Variants in XRN1 observed in about 807,000 individuals in gnomAD.
The protein encoded by XRN1 is 5'-3' exoribonuclease 1.
Under a neutral mutation model 222.3 loss-of-function variants are expected in XRN1, and 67 were observed. The observed-to-expected ratio is 0.30, with a 90% CI of 0.25 to 0.37. XRN1 has a LOEUF of 0.37. Ranked by LOEUF, XRN1 falls within the 10% of genes least tolerant of loss-of-function variation. The pLI is 1.00. For synonymous variants in XRN1, 643 were observed against 652.4 expected, an observed-to-expected ratio of 0.99 and a Z score of 0.22; for missense variants, 1,707 against 2,000.2, an observed-to-expected ratio of 0.85 and a Z score of 2.80.
intron 2 of XRN1, among the ~76,000 whole-genome samples, chr3:142,430,555 T>G (rs1278067091): frequency 6.6e-6 from 1 of 152,188 alleles, no homozygotes; most frequent in Non-Finnish European, 1.5e-5. Context: ...TTTCTAAAAA[T>G]TTCAGTATCT....
At chr3:142,396,696 G>C (rs1160268609) in intron 20 of XRN1, among the ~76,000 whole-genome samples, 1 of 152,180 alleles carries the variant, frequency 6.6e-6, no homozygotes, top group Non-Finnish European at 1.5e-5. Flanking sequence ...CTTATCCATG[G>C]ATAGGAAGGC....
At chr3:142,313,757 G>A (rs1168833623) in intron 39 of XRN1, among the ~76,000 whole-genome samples, 1 of 152,190 alleles carries the variant, frequency 6.6e-6, no homozygotes, top group African/African-American at 2.4e-5. Flanking sequence ...AATTAGGCGA[G>A]GCGCAGTGGC....
chr3:142,358,856 A>C (rs935009791), intron 30 of XRN1, among the ~76,000 whole-genome samples: 10 of 152,204 alleles, frequency 6.6e-5, no homozygotes, highest in Non-Finnish European at 1.5e-4. Flanking sequence ...GAGGTTAAAA[A>C]AGGGTAATTA....
At chr3:142,364,036 G>A (rs1231410064) in intron 29 of XRN1, among the ~76,000 whole-genome samples, 1 of 152,222 alleles carries the variant, frequency 6.6e-6, no homozygotes, top group Non-Finnish European at 1.5e-5. Flanking sequence ...GTAGGAATCA[G>A]GGGAAGGAGT....
chr3:142,335,596 G>T, intron 33 of XRN1, 87 bp from the exon 34 acceptor site: 2 of 1,210,850 alleles, frequency 1.7e-6, no homozygotes, highest in Non-Finnish European at 2.4e-6. Context: ...GCAAGGCACT[G>T]TGTTAAAAAT....
chr3:142,338,453 C>T (rs548453846), intron 33 of XRN1, among the ~76,000 whole-genome samples: 159 of 152,208 alleles, frequency 1.0e-3, no homozygotes, highest in Middle Eastern at 6.8e-3. Flanking sequence ...CAACCAGCAG[C>T]GATACCAGGT....
intron 2 of XRN1, 30 bp from the exon 3 acceptor site, chr3:142,426,871 A>AAGGTTAAGG: frequency 6.3e-7 from 1 of 1,586,224 alleles, no homozygotes; most frequent in Admixed American, 1.7e-5. Context: ...AAGTACCTTA[A>AAGGTTAAGG]GTTTTCTGAA....
intron 20 of XRN1, among the ~76,000 whole-genome samples, chr3:142,392,488 C>T (rs1178610342): frequency 6.6e-6 from 1 of 152,180 alleles, no homozygotes; most frequent in Non-Finnish European, 1.5e-5. Context: ...CACCACCCCA[C>T]AACAGTCCCC....
At chr3:142,418,941 T>A in intron 10 of XRN1, 60 bp from the exon 11 acceptor site, 1 of 1,494,636 alleles carries the variant, frequency 6.7e-7, no homozygotes. Flanking sequence ...TGAGATGTCA[T>A]TTCTCTTCCA....
In XRN1 at chr3:142,312,671, G is replaced by A; in HGVS notation, c.4709C>T (p.Thr1570Ile). 1.2e-6 allele frequency: 2 copies of A among 1,613,944 alleles called. No individual in the cohort carries two copies. Among genetic ancestry groups the A allele is most frequent in the Non-Finnish European group, 1.7e-6 (2 of 1,179,852 alleles). Residue 1570 changes from threonine to isoleucine, a missense_variant, in exon 40 of 41, where the codon ACT becomes ATT. This residue lies in a region of XRN1 where 473 missense variants were observed against 482.0 expected (regional missense o/e 0.98). Transcript: ENST00000392981. ...VPVPGKPFHH[T>I]LYSGTMPMAG... The stretch of plus-strand genomic sequence containing the variant: ...CATGGGCATGGTCCCAGAATATAAA[G>A]TATGATGGAAGGGCTTCCCAGGAAC...
At chr3:142,434,130 C>T (rs2069756033) in intron 1 of XRN1, among the ~76,000 whole-genome samples, 1 of 151,990 alleles carries the variant, frequency 6.6e-6, no homozygotes, top group Admixed American at 6.6e-5. Context: ...GACTTTTCAA[C>T]AGGGGTATTT....
intron 10 of XRN1, among the ~76,000 whole-genome samples, chr3:142,419,290 C>T (rs1417879643): frequency 6.6e-6 from 1 of 151,816 alleles, no homozygotes; most frequent in Non-Finnish European, 1.5e-5. Flanking sequence ...GTACAGGTTC[C>T]CAAAAAGTTG....
intron 22 of XRN1, 67 bp from the exon 23 acceptor site, chr3:142,380,247 A>G (rs533119432): frequency 7.5e-7 from 1 of 1,338,662 alleles, no homozygotes; most frequent in African/African-American, 1.5e-5. Context: ...TTATTTGAAC[A>G]CTATTATTTT....
At chr3:142,418,764 C>A in intron 11 of XRN1, 51 bp downstream of exon 11, 1 of 1,585,864 alleles carries the variant, frequency 6.3e-7, no homozygotes, top group Non-Finnish European at 8.6e-7. Context: ...AAAGGTATAA[C>A]AATTATCCTG....
At chr3:142,419,228 G>A (rs2068905984) in intron 10 of XRN1, among the ~76,000 whole-genome samples, 1 of 152,086 alleles carries the variant, frequency 6.6e-6, no homozygotes, top group Non-Finnish European at 1.5e-5. Flanking sequence ...TGAAGTTTAA[G>A]TACTGAATTG....
intron 6 of XRN1, 119 bp downstream of exon 6, chr3:142,423,441 T>A: frequency 1.5e-6 from 1 of 653,246 alleles, no homozygotes. Flanking sequence ...AAGGACACTA[T>A]CAACATAGTG....
In XRN1 at chr3:142,404,916, C is replaced by T. The variant is rs781405257; in HGVS notation, c.1874G>A (p.Cys625Tyr). The change falls in exon 16 of 41, where the codon TGT becomes TAT. Residue 625 changes from cysteine to tyrosine, a missense_variant. Coordinates refer to ENST00000392981, the MANE Select transcript of XRN1 (RefSeq NM_001282857.2). ...WPEKFPAIER[C>Y]CTRYKIISLD... ...TACCAAGTAACATTACCTTGTACAA[C>T]ATCGTTCTATGGCAGGGAACTTTTC... The T allele has an allele frequency of 6.2e-7, 1 of 1,613,958 alleles. No homozygotes were observed. Among genetic ancestry groups the T allele is most frequent in the South Asian group, 1.1e-5 (1 of 91,070 alleles).
chr3:142,315,535 G>T (rs2065191432), intron 39 of XRN1, among the ~76,000 whole-genome samples: 1 of 147,344 alleles, frequency 6.8e-6, no homozygotes, highest in Non-Finnish European at 1.5e-5. Context: ...TTGAGACAGA[G>T]TCTAGCTCTG....
intron 10 of XRN1, among the ~76,000 whole-genome samples, chr3:142,420,615 A>G (rs2108103079): frequency 6.6e-6 from 1 of 152,050 alleles, no homozygotes; most frequent in East Asian, 1.9e-4. Flanking sequence ...CAGGTAATCC[A>G]CCCATTTTGC....
Sources: gnomAD v4.1 joint callset for allele counts (sites outside exome capture counted in the v4.1 genomes callset) on GRCh38, gnomAD v4.1.1 for gene constraint, gnomAD v4.1.1 regional missense constraint, MANE v1.5 for transcripts, NCBI Gene and HGNC (gene_info 2026-07-23, HGNC 2026-07-21) for gene names.